The following SLC5A11 variants were observed in gnomAD, a reference collection of about 807,000 sequenced individuals.
SLC5A11 encodes the protein sodium/myo-inositol cotransporter 2.
A neutral mutation model predicts 69.8 loss-of-function variants in SLC5A11; 48 were observed. That is an observed-to-expected ratio of 0.69 (90% confidence interval 0.55 to 0.87). The LOEUF is 0.87. Ranked by LOEUF, SLC5A11 falls within the 40% of genes least tolerant of loss-of-function variation. The probability of loss-of-function intolerance (pLI) is 0.00; values close to 1 mark genes in which losing one functional copy is unlikely to be tolerated. For missense variants in SLC5A11, 784 were observed against 866.1 expected, an observed-to-expected ratio of 0.91 and a Z score of 1.19; for synonymous variants, 319 against 342.4, an observed-to-expected ratio of 0.93 and a Z score of 0.75.
At chr16:24,860,770 A>G (rs907892832) in intron 2 of SLC5A11, among the ~76,000 whole-genome samples, 1 of 152,004 alleles carries the variant, frequency 6.6e-6, no homozygotes, top group Non-Finnish European at 1.5e-5. Flanking sequence ...CACTGGTGCA[A>G]TCTCAGCTCA....
rs764134057 is a variant in SLC5A11 at position 24,907,022 on chromosome 16, C to T, written c.1115-3C>T. 6.8e-6 allele frequency: 11 copies of T among 1,613,548 alleles called. No homozygotes were observed. In the East Asian group the frequency reaches 2.4e-4, roughly 36 times the overall value. ...AGGCCCATGACCTCCCTTCCGCCCC[C>T]AGGGCTCCGTGGGCTGATGATGGCT... is the stretch of plus-strand genomic sequence containing the variant. On this transcript the variant is annotated splice_region_variant and splice_polypyrimidine_tract_variant and intron_variant, in intron 11 of 15. Transcript: ENST00000347898.
At chr16:24,866,390 G>T (rs2046916212) in intron 3 of SLC5A11, among the ~76,000 whole-genome samples, 1 of 151,746 alleles carries the variant, frequency 6.6e-6, no homozygotes, top group Admixed American at 6.6e-5. Flanking sequence ...CTTGAACTCA[G>T]GAGTTCAAGA....
intron 3 of SLC5A11, among the ~76,000 whole-genome samples, chr16:24,863,062 A>G (rs1381153417): frequency 1.4e-5 from 2 of 143,820 alleles, no homozygotes; most frequent in Non-Finnish European, 3.0e-5. Flanking sequence ...ATAGTTATAT[A>G]ATATATATGA....
At chr16:24,888,872 C>G (rs2048580602) in intron 8 of SLC5A11, among the ~76,000 whole-genome samples, 1 of 142,088 alleles carries the variant, frequency 7.0e-6, no homozygotes, top group South Asian at 2.4e-4. Flanking sequence ...TCTTGGCTCA[C>G]TGCAACCTCC....
chr16:24,853,661 C>G (rs549789799), intron 1 of SLC5A11, among the ~76,000 whole-genome samples: 1 of 152,226 alleles, frequency 6.6e-6, no homozygotes, highest in African/African-American at 2.4e-5. Flanking sequence ...GGATCCCACC[C>G]GCGGCACTGA....
At chr16:24,860,034 C>G (rs922080935) in intron 2 of SLC5A11, among the ~76,000 whole-genome samples, 5 of 152,126 alleles carry the variant, frequency 3.3e-5, no homozygotes, top group African/African-American at 1.2e-4. Flanking sequence ...GCCTGTAATC[C>G]CAGCACTTTG....
At chr16:24,880,757 C>T (rs1024309608) in intron 7 of SLC5A11, among the ~76,000 whole-genome samples, 2 of 152,146 alleles carry the variant, frequency 1.3e-5, no homozygotes, top group Admixed American at 6.6e-5. Context: ...GGACCCTCCC[C>T]CAACACGCGG....
intron 2 of SLC5A11, chr16:24,859,137 G>A (rs778704330): frequency 6.3e-4 from 106 of 167,642 alleles, no homozygotes; most frequent in Non-Finnish European, 1.1e-3. Flanking sequence ...CCCTTACTTC[G>A]AAGCTCATGT....
chr16:24,858,762 T>C (rs777296767), exon 2 of SLC5A11: 3 of 1,611,910 alleles, frequency 1.9e-6, no homozygotes, highest in Non-Finnish European at 2.5e-6. Context: ...CTCTTTGTCC[T>C]GGCTGTTGGA....
At chr16:24,867,447 T>C (rs1408189041) in intron 3 of SLC5A11, among the ~76,000 whole-genome samples, 2 of 152,106 alleles carry the variant, frequency 1.3e-5, no homozygotes, top group African/African-American at 4.8e-5. Flanking sequence ...CCTCATCTTT[T>C]ACATTAAGAA....
chr16:24,898,520 T>TC (rs957729859), intron 10 of SLC5A11, among the ~76,000 whole-genome samples: 2 of 151,530 alleles, frequency 1.3e-5, no homozygotes, highest in African/African-American at 4.8e-5. Context: ...CTTTTTTTTT[T>TC]TTTGCATTTT....
intron 13 of SLC5A11, among the ~76,000 whole-genome samples, chr16:24,908,467 T>C (rs1227633047): frequency 6.6e-6 from 1 of 151,492 alleles, no homozygotes; most frequent in Non-Finnish European, 1.5e-5. Context: ...GGTGTGGTGG[T>C]GGGCGCCTGT....
Position 24,911,308 on chromosome 16 carries a change from C to G in SLC5A11, c.1823-20C>G, listed in dbSNP as rs745509667. On this transcript the variant is annotated intron_variant, in intron 15 of 15. Transcript: ENST00000347898. ...GATACAGACCACCTCTACGGTCTTC[C>G]TTTGCTGGGTTCTTTCTAGGTGACA... 3.1e-6 allele frequency: 5 copies of G among 1,613,028 alleles called. No homozygotes were observed. The South Asian group carries it at 5.5e-5, about 18-fold the overall frequency.
rs564863349 is a variant in SLC5A11, at chr16:24,849,684, G to GATGTCTAT, written c.-25+3247_-25+3254dup. Among the ~76,000 whole-genome samples, 962 of 144,814 alleles carry GATGTCTAT rather than the reference G, an allele frequency of 6.6e-3. 9 individuals carry two copies. The highest frequency in any genetic ancestry group is 0.024 in the African/African-American group (917 of 38,880). On this transcript the variant is annotated intron_variant, in intron 1 of 15. Coordinates refer to ENST00000347898, the Ensembl canonical transcript of SLC5A11. ...GGTCTGGGCTCAGAAGGTGCTCTGTGATGTCTATTCTCTCTGGAATAATGA... is the reference window on the plus strand; with the variant it reads ...GGTCTGGGCTCAGAAGGTGCTCTGTGATGTCTATATGTCTATTCTCTCTGGAATAATGA...
chr16:24,910,908 C>T (rs2050469048), intron 15 of SLC5A11, among the ~76,000 whole-genome samples: 1 of 152,146 alleles, frequency 6.6e-6, no homozygotes, highest in Admixed American at 6.5e-5. Context: ...ATGGCTCAGG[C>T]CTGTAATCCC....
chr16:24,856,597 C>CAAAAAAAAAAA (rs35867622), intron 1 of SLC5A11, among the ~76,000 whole-genome samples: 5 of 88,828 alleles, frequency 5.6e-5, no homozygotes, highest in East Asian at 4.7e-4. Context: ...ACTAAAAATA[C>CAAAAAAAAAAA]AAAAAAAAAA....
In SLC5A11 at chr16:24,908,265, G is replaced by A. The variant is rs537484709; in HGVS notation, c.1434+134G>A. The A allele has an allele frequency of 1.5e-5, 15 of 1,006,690 alleles. No homozygotes were observed. The African/African-American group carries it at 2.5e-4, about 17-fold the overall frequency. 62.4% of individuals were successfully genotyped at this position (1,006,690 alleles called of 1,614,324 possible). ...TTGAGAGGGAGGGTGAGTTCCATTG[G>A]TGGAAGATACAGGGAGGGTGTTTAT... is the stretch of plus-strand genomic sequence containing the variant. On this transcript the variant is annotated intron_variant, in intron 13 of 15. Coordinates refer to ENST00000347898, the Ensembl canonical transcript of SLC5A11.
At chr16:24,873,252 A>AGGAAGGAG (rs1190471658) in intron 5 of SLC5A11, among the ~76,000 whole-genome samples, 158 of 71,120 alleles carry the variant, frequency 2.2e-3, no homozygotes, top group Non-Finnish European at 3.8e-3. Flanking sequence ...GGAGGGAGGA[A>AGGAAGGAG]GGAAGGAAGG....
intron 1 of SLC5A11, among the ~76,000 whole-genome samples, chr16:24,855,052 G>A (rs1414081074): frequency 6.6e-6 from 1 of 150,972 alleles, no homozygotes; most frequent in Non-Finnish European, 1.5e-5. Context: ...CTGTAGCCAA[G>A]CTCCTGGGCT....
Sources: gnomAD v4.1 joint callset for allele counts (sites outside exome capture counted in the v4.1 genomes callset) on GRCh38, gnomAD v4.1.1 for gene constraint, MANE v1.5 for transcripts, NCBI Gene and HGNC (gene_info 2026-07-23, HGNC 2026-07-21) for gene names.